The following ZNF19 variants were observed in gnomAD, a reference collection of about 807,000 sequenced individuals.
ZNF19 encodes the protein zinc finger protein 19.
A neutral mutation model predicts 13.1 loss-of-function variants in ZNF19; 11 were observed. The observed-to-expected ratio is 0.84, with a 90% CI of 0.53 to 1.39. The LOEUF (loss-of-function observed/expected upper bound fraction) is 1.39. Among genes scored for constraint, ZNF19 ranks in the 40% most tolerant of loss-of-function variants. The pLI, the probability that ZNF19 is intolerant of heterozygous loss-of-function variation, is 0.00. For missense variants in ZNF19, 560 were observed against 547.0 expected (o/e 1.02, Z -0.24); for synonymous variants, 186 against 187.0 (o/e 0.99, Z 0.04).
intron 5 of ZNF19, among the ~76,000 whole-genome samples, chr16:71,476,600 A>G (rs2043604450): frequency 6.6e-6 from 1 of 152,244 alleles, no homozygotes; most frequent in Non-Finnish European, 1.5e-5. Context: ...AAGAAGGCAC[A>G]GGTCTTAAGA....
Position 71,484,762 on chromosome 16 carries a change from G to C in ZNF19, c.-189-14C>G, listed in dbSNP as rs1292318406. On this transcript the variant is annotated splice_polypyrimidine_tract_variant and intron_variant, in intron 1 of 5. Transcript: ENST00000288177. ...ATCCTCAGAGACCTTGAATAGGAAA[G>C]AAAGTATATCATTGTTTTCGCTAAT... 1.0e-6 allele frequency: 1 copy of C among 983,708 alleles called. No individual in the cohort carries two copies. The highest frequency in any genetic ancestry group is 1.2e-6 in the Non-Finnish European group (1 of 828,488). The allele number at this position is 983,708 out of a possible 1,614,324, so 60.9% of individuals were successfully genotyped here.
chr16:71,477,974 C>G (rs2043612864), intron 5 of ZNF19: 1 of 413,858 alleles, frequency 2.4e-6, no homozygotes, highest in African/African-American at 2.0e-5. Context: ...CTGAATAAAT[C>G]CATCCCAACC....
chr16:71,488,614 C>A (rs972684449), intron 1 of ZNF19, among the ~76,000 whole-genome samples: 16 of 152,252 alleles, frequency 1.1e-4, no homozygotes, highest in African/African-American at 3.9e-4. Flanking sequence ...GTCTGACCAA[C>A]ATGGTGAAAC....
chr16:71,486,347 C>T (rs1451680220), intron 1 of ZNF19, among the ~76,000 whole-genome samples: 3 of 150,404 alleles, frequency 2.0e-5, no homozygotes, highest in Non-Finnish European at 4.4e-5. Flanking sequence ...GGCAACAAAG[C>T]GAGACCCTGT....
At position 71,475,277 on chromosome 16, in the gene ZNF19, T is replaced by G; in HGVS notation, c.1270A>C (p.Thr424Pro). ...TCAAGGTGACCTAGCTGGGAAGAAG[T>G]CCCAAAGGCCTTCTCATACTTGCTA... is the stretch of plus-strand genomic sequence containing the variant. Reference protein sequence around the residue: ...ECSKYEKAFGTSSQLGHLEHV... With the variant: ...ECSKYEKAFGPSSQLGHLEHV... Residue 424 changes from threonine to proline, a missense_variant, in exon 6 of 6, where the codon ACT becomes CCT. Transcript: ENST00000288177. 1 of 1,614,198 alleles carries G rather than the reference T, an allele frequency of 6.2e-7. No individual in the cohort carries two copies. The highest frequency in any genetic ancestry group is 8.5e-7 in the Non-Finnish European group (1 of 1,180,026).
At chr16:71,482,201 T>C in intron 2 of ZNF19, 58 bp from the exon 3 acceptor site, 1 of 1,539,248 alleles carries the variant, frequency 6.5e-7, no homozygotes, top group Non-Finnish European at 8.9e-7. Context: ...ATGCTCTCTT[T>C]AGAGCAATAA....
chr16:71,484,335 G>C (rs537876562), intron 2 of ZNF19, among the ~76,000 whole-genome samples: 31 of 152,236 alleles, frequency 2.0e-4, no homozygotes, highest in Admixed American at 4.6e-4. Flanking sequence ...GCGGCGTCGA[G>C]AACAGAGGCG....
Position 71,473,644 on chromosome 16 carries a change from G to T in ZNF19, c.*1526C>A, listed in dbSNP as rs1161289111. On this transcript the variant is annotated 3_prime_UTR_variant, in exon 6 of 6. Coordinates refer to ENST00000288177, the MANE Select transcript of ZNF19 (RefSeq NM_006961.4). ...TCTGTCACCAGGCTGGAGTGCAGTGGTGTAATCTCGGCTCACTACAACCTC... is the reference window on the plus strand; with the variant it reads ...TCTGTCACCAGGCTGGAGTGCAGTGTTGTAATCTCGGCTCACTACAACCTC... 1 of 152,174 alleles carries T rather than the reference G, an allele frequency of 6.6e-6. No homozygotes were observed. Among genetic ancestry groups the T allele is most frequent in the Non-Finnish European group, 1.5e-5 (1 of 68,054 alleles). The allele number at this position is 152,174 out of a possible 1,614,324, so 9.4% of individuals were successfully genotyped here. A position where few individuals can be genotyped will look rare whatever the true frequency, so the allele number is the denominator to read the frequency against.
chr16:71,485,726 C>T (rs1016977161), intron 1 of ZNF19, among the ~76,000 whole-genome samples: 1 of 152,086 alleles, frequency 6.6e-6, no homozygotes, highest in Non-Finnish European at 1.5e-5. Flanking sequence ...ACTGAACACA[C>T]ACACACACAC....
chr16:71,485,856 T>G (rs1342069820), intron 1 of ZNF19, among the ~76,000 whole-genome samples: 1 of 152,114 alleles, frequency 6.6e-6, no homozygotes, highest in African/African-American at 2.4e-5. Flanking sequence ...TTTCAGGACA[T>G]TTTCATCTCC....
chr16:71,476,946 T>C lies in ZNF19; in HGVS notation c.275-674A>G, dbSNP rs747111663. Reference sequence around the variant, plus strand: ...CAAACATGCAGAGAAACTACTGTCCTAGACTCTCTATTTGAAAAGGGATGA... The same window carrying C: ...CAAACATGCAGAGAAACTACTGTCCCAGACTCTCTATTTGAAAAGGGATGA... On this transcript the variant is annotated intron_variant, in intron 5 of 5. Coordinates refer to ENST00000288177, the MANE Select transcript of ZNF19 (RefSeq NM_006961.4). 7.9e-5 allele frequency among the ~76,000 whole-genome samples: 12 copies of C among 152,338 alleles called. No individual in the cohort carries two copies. The South Asian group carries it at 2.5e-3, about 32-fold the overall frequency.
rs574543401 is a variant in ZNF19 at position 71,482,441 on chromosome 16, C to G, written c.-29-298G>C. ...CCAATAAACTCAGAGCGAAACCTAA[C>G]AAGAAGAATCTCAGACCTTTATTTT... is the stretch of plus-strand genomic sequence containing the variant. On this transcript the variant is annotated intron_variant, in intron 2 of 5. Coordinates refer to ENST00000288177, the MANE Select transcript of ZNF19 (RefSeq NM_006961.4). 67 of 282,992 alleles carry G rather than the reference C, an allele frequency of 2.4e-4. No homozygotes were observed. In the South Asian group the frequency reaches 3.3e-3, roughly 14 times the overall value. 17.5% of individuals were successfully genotyped at this position (282,992 alleles called of 1,614,324 possible).
At chr16:71,487,900 T>C (rs577600362) in intron 1 of ZNF19, among the ~76,000 whole-genome samples, 1 of 152,366 alleles carries the variant, frequency 6.6e-6, no homozygotes, top group South Asian at 2.1e-4. Flanking sequence ...TATACTGACA[T>C]ATAATTCAAT....
intron 3 of ZNF19, 58 bp from the exon 4 acceptor site, chr16:71,479,063 T>C (rs2145168464): frequency 6.2e-7 from 1 of 1,613,240 alleles, no homozygotes; most frequent in Non-Finnish European, 8.5e-7. Context: ...GGCCAGAGTG[T>C]GGGGCAGAGG....
In ZNF19 at chr16:71,475,533, G is replaced by A. The variant is rs1225685745; in HGVS notation, c.1014C>T (p.Phe338=). The A allele has an allele frequency of 6.2e-7, 1 of 1,613,534 alleles. No homozygotes were observed. The highest frequency in any genetic ancestry group is 1.1e-5 in the South Asian group (1 of 91,046). The change falls in exon 6 of 6, where the codon TTC becomes TTT. Residue 338 remains phenylalanine (F), a synonymous_variant. Coordinates refer to ENST00000288177, the MANE Select transcript of ZNF19 (RefSeq NM_006961.4). The part of the protein sequence containing the change: ...PYSCKVCGQA[F]NFHTKLTRHQ... ...GCCGAGTTAGTTTTGTATGAAAATT[G>A]AAGGCTTGTCCACATACTTTACAAG...
chr16:71,476,280 AAG>A lies in ZNF19; in HGVS notation c.275-10_275-9del. ...CAATGTTGGTCTCAACATCTGACAT[AAG>A]AGATAGAAAACACAAATAATGCCAC... On this transcript the variant is annotated splice_polypyrimidine_tract_variant and intron_variant, in intron 5 of 5. Coordinates refer to ENST00000288177, the MANE Select transcript of ZNF19 (RefSeq NM_006961.4). 1 of 1,595,048 alleles carries A rather than the reference AAG, an allele frequency of 6.3e-7. No homozygotes were observed. Among genetic ancestry groups the A allele is most frequent in the Non-Finnish European group, 8.5e-7 (1 of 1,171,608 alleles).
rs750623723 is a variant in ZNF19 at position 71,475,747 on chromosome 16, T to A, written c.800A>T (p.His267Leu). The change falls in exon 6 of 6, where the codon CAC becomes CTC. Residue 267 changes from histidine (H) to leucine (L), a missense_variant. By Grantham distance (99) the His-to-Leu change is moderately conservative. Coordinates refer to ENST00000288177, the MANE Select transcript of ZNF19 (RefSeq NM_006961.4). The part of the protein sequence containing the change: ...SSEFVIHQRI[H>L]TGEKPYECNE... Reference sequence around the variant, plus strand: ...ACACTCATAGGGTTTCTCCCCAGTGTGGATTCTCTGATGTATAACAAACTC... The same window carrying A: ...ACACTCATAGGGTTTCTCCCCAGTGAGGATTCTCTGATGTATAACAAACTC... 9 of 1,613,162 alleles carry A rather than the reference T, an allele frequency of 5.6e-6. No individual in the cohort carries two copies. The South Asian group carries it at 9.9e-5, about 18-fold the overall frequency.
chr16:71,474,996 A>G lies in ZNF19; in HGVS notation c.*174T>C. 1.3e-6 allele frequency: 1 copy of G among 780,804 alleles called. No individual in the cohort carries two copies. The highest frequency in any genetic ancestry group is 2.0e-6 in the Non-Finnish European group (1 of 504,278). The allele number at this position is 780,804 out of a possible 1,614,324, so 48.4% of individuals were successfully genotyped here. ...GGGCGGGGGGAGAGTATTTGTTCCTATTAGCTCTTGCAATCCTGGGACTCT... is the reference window on the plus strand; with the variant it reads ...GGGCGGGGGGAGAGTATTTGTTCCTGTTAGCTCTTGCAATCCTGGGACTCT... On this transcript the variant is annotated 3_prime_UTR_variant, in exon 6 of 6. Transcript: ENST00000288177.
In ZNF19 at chr16:71,479,018, G is replaced by C. The variant is rs1209575065; in HGVS notation, c.34-13C>G. 6.2e-7 allele frequency: 1 copy of C among 1,614,136 alleles called. No homozygotes were observed. The highest frequency in any genetic ancestry group is 8.5e-7 in the Non-Finnish European group (1 of 1,180,008). On this transcript the variant is annotated splice_polypyrimidine_tract_variant and intron_variant, in intron 3 of 5. Coordinates refer to ENST00000288177, the MANE Select transcript of ZNF19 (RefSeq NM_006961.4). ...AGGTCACCATCTCCTAAAACAACAG[G>C]TTCCTGCTGCCCCAGAGCCAATCCT...
Sources: gnomAD v4.1 joint callset for allele counts (sites outside exome capture counted in the v4.1 genomes callset) on GRCh38, gnomAD v4.1.1 for gene constraint, MANE v1.5 for transcripts, NCBI Gene and HGNC (gene_info 2026-07-23, HGNC 2026-07-21) for gene names.